Variants in LCP2 observed in about 807,000 individuals in gnomAD.
LCP2 encodes 76 kDa tyrosine phosphoprotein.
Under a neutral mutation model 74.5 loss-of-function variants are expected in LCP2, and 29 were observed. The observed-to-expected ratio is 0.39, with a 90% confidence interval of 0.29 to 0.53. The LOEUF (loss-of-function observed/expected upper bound fraction) is 0.53. Among genes scored for constraint, LCP2 ranks in the 20% least tolerant of loss-of-function variants. The pLI is 0.72. For missense variants in LCP2, 604 were observed against 634.6 expected, an observed-to-expected ratio of 0.95 and a Z score of 0.52; for synonymous variants, 228 against 229.5, an observed-to-expected ratio of 0.99 and a Z score of 0.06.
intron 14 of LCP2, 75 bp downstream of exon 14, chr5:170,261,032 G>C (rs774880421): frequency 1.8e-6 from 2 of 1,125,776 alleles, no homozygotes; most frequent in East Asian, 4.8e-5. Context: ...CAAGGTGGAT[G>C]GAGTCCCAAC....
intron 1 of LCP2, among the ~76,000 whole-genome samples, chr5:170,295,527 G>T (rs1054918796): frequency 4.6e-5 from 7 of 152,244 alleles, no homozygotes; most frequent in African/African-American, 7.2e-5. Context: ...AAGCTAGCAG[G>T]TGGCAGAGCC....
At chr5:170,250,456 A>T (rs566084257) in intron 20 of LCP2, among the ~76,000 whole-genome samples, 3 of 152,368 alleles carry the variant, frequency 2.0e-5, no homozygotes, top group Admixed American at 6.5e-5. Flanking sequence ...ACACCATCTA[A>T]ATAGATTTTT....
intron 3 of LCP2, among the ~76,000 whole-genome samples, chr5:170,277,181 T>G (rs1762021420): frequency 6.6e-6 from 1 of 151,864 alleles, no homozygotes; most frequent in Admixed American, 6.6e-5. Flanking sequence ...AAGCTAGCCT[T>G]TCTAATTTCC....
intron 3 of LCP2, among the ~76,000 whole-genome samples, chr5:170,276,940 G>A (rs137867625): frequency 6.6e-6 from 1 of 151,954 alleles, no homozygotes; most frequent in East Asian, 1.9e-4. Flanking sequence ...GCTGGGCATG[G>A]TGGCACGTGC....
At chr5:170,288,040 G>A (rs1412361629) in intron 2 of LCP2, 24 bp from the exon 3 acceptor site, 1 of 1,612,896 alleles carries the variant, frequency 6.2e-7, no homozygotes, top group South Asian at 1.1e-5. Flanking sequence ...ACATATGGCA[G>A]GCAGGTTACA....
chr5:170,263,114 T>A, intron 10 of LCP2, 122 bp from the exon 11 acceptor site: 1 of 1,176,850 alleles, frequency 8.5e-7, no homozygotes, highest in Non-Finnish European at 1.2e-6. Context: ...GTTTAAGCAT[T>A]AAAGAATCAG....
rs1008262554 is a variant in LCP2, at chr5:170,261,244, G to A, written c.927-107C>T. On this transcript the variant is annotated intron_variant, in intron 13 of 20. Coordinates refer to ENST00000046794, the MANE Select transcript of LCP2 (RefSeq NM_005565.5). ...TGAATAATGAGAAATCGAACCCACT[G>A]AGCCTAGGGAAGATGGGAAGCAACA... 31 of 807,338 alleles carry A rather than the reference G, an allele frequency of 3.8e-5. No individual in the cohort carries two copies. In the Middle Eastern group the frequency reaches 6.6e-4, roughly 17 times the overall value. The allele number at this position is 807,338 out of a possible 1,614,324, so 50.0% of individuals were successfully genotyped here.
At position 170,297,545 on chromosome 5, in the gene LCP2, A is replaced by G; in HGVS notation, c.67T>C (p.Tyr23His). ...LGWDPDSLAD[Y>H]FKKLNYKDCE... The stretch of plus-strand genomic sequence containing the variant: ...AGAGCAAGGCTTACCTTCTTGAAAT[A>G]GTCAGCAAGGCTGTCGGGGTCCCAG... The change falls in exon 1 of 21, where the codon TAT (tyrosine) becomes CAT (histidine). Residue 23 changes from tyrosine to histidine, a missense_variant. Coordinates refer to ENST00000046794, the MANE Select transcript of LCP2 (RefSeq NM_005565.5). 6.2e-7 allele frequency: 1 copy of G among 1,613,036 alleles called. No homozygotes were observed. Among genetic ancestry groups the G allele is most frequent in the South Asian group, 1.1e-5 (1 of 90,786 alleles).
In LCP2 at chr5:170,275,798, C is replaced by A. The variant is rs772451071; in HGVS notation, c.251G>T (p.Arg84Leu). The A allele has an allele frequency of 5.1e-6, 8 of 1,578,398 alleles. No individual in the cohort carries two copies. The highest frequency in any genetic ancestry group is 8.6e-7 in the Non-Finnish European group (1 of 1,159,596). ...TCCTTACACCAGCCGCACTCACTTG[C>A]GTGTGAAGATGCTCCTCCTCTCTTC... ...KNEERRSIFTRKPQVPRFPEE... is the reference protein window; with the variant it reads ...KNEERRSIFTLKPQVPRFPEE... Residue 84 changes from arginine (R) to leucine (L), a missense_variant, in exon 4 of 21, where the codon CGC becomes CTC. Arg to Leu is a moderately radical substitution (Grantham distance 102). Coordinates refer to ENST00000046794, the MANE Select transcript of LCP2 (RefSeq NM_005565.5).
At chr5:170,265,139 C>A (rs1350891642) in intron 10 of LCP2, among the ~76,000 whole-genome samples, 1 of 151,938 alleles carries the variant, frequency 6.6e-6, no homozygotes, top group Admixed American at 6.6e-5. Flanking sequence ...AGGTGCCCAC[C>A]ACCATGCCTG....
intron 2 of LCP2, among the ~76,000 whole-genome samples, chr5:170,291,020 G>T (rs1257887558): frequency 8.8e-5 from 13 of 148,568 alleles, no homozygotes; most frequent in African/African-American, 2.8e-4. Flanking sequence ...AAGAGAGAAA[G>T]AAAGAGAGAA....
chr5:170,279,845 A>G (rs1762070755), intron 3 of LCP2, among the ~76,000 whole-genome samples: 1 of 152,174 alleles, frequency 6.6e-6, no homozygotes, highest in African/African-American at 2.4e-5. Context: ...AATTCTCCCC[A>G]CACTTGAACA....
intron 20 of LCP2, among the ~76,000 whole-genome samples, chr5:170,249,143 G>A (rs1333828043): frequency 6.6e-6 from 1 of 152,076 alleles, no homozygotes; most frequent in Non-Finnish European, 1.5e-5. Flanking sequence ...CCAACATGGT[G>A]AAACCCTGTC....
chr5:170,294,095 A>T (rs962788959), intron 1 of LCP2, among the ~76,000 whole-genome samples: 1 of 152,234 alleles, frequency 6.6e-6, no homozygotes, highest in African/African-American at 2.4e-5. Context: ...AGTAACTTGC[A>T]TGAGGTTCCA....
chr5:170,295,344 T>A (rs13360847), intron 1 of LCP2, among the ~76,000 whole-genome samples: 9,799 of 152,174 alleles, frequency 0.064, 358 homozygotes, highest in African/African-American at 0.097. Flanking sequence ...ATAGAGAAGG[T>A]AAAAGGGCAG....
chr5:170,248,903 T>A, intron 20 of LCP2, 84 bp from the exon 21 acceptor site: 1 of 1,342,184 alleles, frequency 7.5e-7, no homozygotes, highest in Non-Finnish European at 1.0e-6. Context: ...CTGCATAATA[T>A]ATGCTGCCTC....
intron 2 of LCP2, among the ~76,000 whole-genome samples, chr5:170,292,218 G>A (rs922273343): frequency 2.0e-5 from 3 of 152,080 alleles, no homozygotes; most frequent in Non-Finnish European, 2.9e-5. Flanking sequence ...ACGAATAGGC[G>A]AATGAATGAA....
At chr5:170,297,042 G>A (rs931359151) in intron 1 of LCP2, among the ~76,000 whole-genome samples, 3 of 152,106 alleles carry the variant, frequency 2.0e-5, no homozygotes, top group Admixed American at 6.5e-5. Context: ...AGGACACCAC[G>A]TCTCCCCTTT....
intron 6 of LCP2, 38 bp from the exon 7 acceptor site, chr5:170,270,955 G>A (rs1209705279): frequency 1.3e-6 from 2 of 1,545,658 alleles, no homozygotes; most frequent in Admixed American, 3.9e-5. Flanking sequence ...AGTTTGTAGA[G>A]GCTCTGTGGC....
Sources: gnomAD v4.1 joint callset for allele counts (sites outside exome capture counted in the v4.1 genomes callset) on GRCh38, gnomAD v4.1.1 for gene constraint, MANE v1.5 for transcripts, NCBI Gene and HGNC (gene_info 2026-07-23, HGNC 2026-07-21) for gene names.